Variants in ANKFN1 observed in about 807,000 individuals in gnomAD.
ANKFN1 encodes ankyrin repeat and fibronectin type III domain containing 1, also known as ankyrin repeat and fibronectin type-III domain-containing protein 1.
Under a neutral mutation model 108.7 loss-of-function variants are expected in ANKFN1, and 74 were observed. The ratio of observed to expected loss-of-function variants is 0.68; its 90% confidence interval spans 0.56 to 0.83. The LOEUF is 0.83. Ranked by LOEUF, ANKFN1 falls within the 40% of genes least tolerant of loss-of-function variation. The probability of loss-of-function intolerance (pLI) is 0.00; values close to 1 mark genes in which losing one functional copy is unlikely to be tolerated. For synonymous variants in ANKFN1, 547 were observed against 516.2 expected, an observed-to-expected ratio of 1.06 and a Z score of -0.81; for missense variants, 1,505 against 1,382.3, an observed-to-expected ratio of 1.09 and a Z score of -1.41.
chr17:56,294,756 T>C (rs1293058212), intron 3 of ANKFN1, among the ~76,000 whole-genome samples: 2 of 152,218 alleles, frequency 1.3e-5, no homozygotes, highest in Non-Finnish European at 2.9e-5. Flanking sequence ...ACCCATTAAT[T>C]TAGATGAAAC....
intron 4 of ANKFN1, among the ~76,000 whole-genome samples, chr17:56,136,562 C>CA (rs1327818070): frequency 5.3e-5 from 8 of 152,186 alleles, no homozygotes; most frequent in Middle Eastern, 3.4e-3. Flanking sequence ...AAAAAAAGAC[C>CA]AAATATATTG....
intron 3 of ANKFN1, among the ~76,000 whole-genome samples, chr17:56,288,310 C>T (rs1285820641): frequency 1.3e-5 from 2 of 151,876 alleles, no homozygotes; most frequent in African/African-American, 4.8e-5. Context: ...TTATCTATTC[C>T]TCCCTTTATA....
chr17:56,277,422 G>A (rs946172502), intron 3 of ANKFN1, among the ~76,000 whole-genome samples: 2 of 151,756 alleles, frequency 1.3e-5, no homozygotes, highest in Non-Finnish European at 2.9e-5. Flanking sequence ...TCCTGTAGTA[G>A]CATAATAATA....
intron 4 of ANKFN1, among the ~76,000 whole-genome samples, chr17:56,050,022 T>C (rs1377009333): frequency 6.6e-6 from 1 of 152,034 alleles, no homozygotes; most frequent in African/African-American, 2.4e-5. Flanking sequence ...TGTAAAAGTG[T>C]TCCTATTTCT....
intron 3 of ANKFN1, among the ~76,000 whole-genome samples, chr17:56,282,733 T>C (rs78507204): frequency 6.6e-6 from 1 of 152,158 alleles, no homozygotes; most frequent in Non-Finnish European, 1.5e-5. Context: ...CTTTTTTTTT[T>C]GAAGGCCTGG....
At chr17:56,351,651 G>A (rs773764502) in intron 5 of ANKFN1, among the ~76,000 whole-genome samples, 78 of 152,236 alleles carry the variant, frequency 5.1e-4, no homozygotes, top group Middle Eastern at 6.8e-3. Flanking sequence ...AGTCCATCAG[G>A]AGGAATGAAT....
intron 4 of ANKFN1, among the ~76,000 whole-genome samples, chr17:56,071,763 G>T (rs1905123587): frequency 6.6e-6 from 1 of 152,170 alleles, no homozygotes; most frequent in Non-Finnish European, 1.5e-5. Context: ...CTTTGGGAAG[G>T]CAACCAAGAC....
At chr17:56,438,120 TCTCATG>T (rs2048985011) in intron 8 of ANKFN1, among the ~76,000 whole-genome samples, 2 of 152,196 alleles carry the variant, frequency 1.3e-5, no homozygotes, top group South Asian at 2.1e-4. Flanking sequence ...TTCTCAAGTT[TCTCATG>T]CTCAAGAGAA....
At position 56,153,494 on chromosome 17, in the gene ANKFN1, C is replaced by T. The variant is rs1199492591; in HGVS notation, c.-107C>T. 1 of 1,614,030 alleles carries T rather than the reference C, an allele frequency of 6.2e-7. No individual in the cohort carries two copies. Among genetic ancestry groups the T allele is most frequent in the Non-Finnish European group, 8.5e-7 (1 of 1,179,896 alleles). On this transcript the variant is annotated 5_prime_UTR_variant, in exon 1 of 21. Coordinates refer to ENST00000682825, the MANE Select transcript of ANKFN1 (RefSeq NM_001370326.1). ...CAGGTCCTCTTTCAACTCAAGAGCT[C>T]AGTCCTGTGTCTCTCATGGAGGCGT...
chr17:56,100,017 C>T (rs762303147), intron 4 of ANKFN1, among the ~76,000 whole-genome samples: 37 of 152,166 alleles, frequency 2.4e-4, no homozygotes, highest in Non-Finnish European at 2.6e-4. Flanking sequence ...AGACGAAACT[C>T]TAACAAAGAA....
chr17:56,320,274 T>A (rs1002377147), intron 3 of ANKFN1, among the ~76,000 whole-genome samples: 1 of 152,210 alleles, frequency 6.6e-6, no homozygotes, highest in Non-Finnish European at 1.5e-5. Flanking sequence ...TCCACATGGT[T>A]CAATTATCCT....
intron 10 of ANKFN1, among the ~76,000 whole-genome samples, chr17:56,444,411 T>C (rs1441720164): frequency 6.6e-6 from 1 of 152,210 alleles, no homozygotes; most frequent in Non-Finnish European, 1.5e-5. Context: ...TTTAGTTTTT[T>C]TAACTATGCC....
intron 1 of ANKFN1, among the ~76,000 whole-genome samples, chr17:56,163,855 A>G (rs1909905420): frequency 6.6e-6 from 1 of 152,210 alleles, no homozygotes; most frequent in African/African-American, 2.4e-5. Context: ...GCCAACTCCC[A>G]TCTATGAGGG....
At chr17:56,141,308 G>C (rs532056715) in intron 4 of ANKFN1, among the ~76,000 whole-genome samples, 10 of 152,170 alleles carry the variant, frequency 6.6e-5, no homozygotes, top group Non-Finnish European at 1.3e-4. Flanking sequence ...GATTTTCCAA[G>C]CCTCTAATAT....
intron 4 of ANKFN1, among the ~76,000 whole-genome samples, chr17:56,343,111 G>A (rs1270153974): frequency 6.6e-6 from 1 of 151,922 alleles, no homozygotes; most frequent in Non-Finnish European, 1.5e-5. Context: ...CCAGATAGTA[G>A]GATTGCAAAT....
chr17:56,095,619 A>T (rs1241443634), intron 4 of ANKFN1, among the ~76,000 whole-genome samples: 2 of 152,076 alleles, frequency 1.3e-5, no homozygotes, highest in African/African-American at 4.8e-5. Flanking sequence ...TTTAATTTGG[A>T]TGAGGTGTCC....
At chr17:56,308,343 A>C (rs887885485) in intron 3 of ANKFN1, among the ~76,000 whole-genome samples, 8 of 152,106 alleles carry the variant, frequency 5.3e-5, no homozygotes, top group African/African-American at 1.9e-4. Flanking sequence ...TTTAACTTGC[A>C]TCCATGTAGT....
At chr17:56,486,325 C>A (rs1317912467) in intron 18 of ANKFN1, among the ~76,000 whole-genome samples, 4 of 152,134 alleles carry the variant, frequency 2.6e-5, no homozygotes, top group Non-Finnish European at 5.9e-5. Context: ...TTCTATTAGT[C>A]TTTTTTTAGG....
chr17:56,500,902 G>A (rs2051348533), intron 20 of ANKFN1, among the ~76,000 whole-genome samples: 2 of 152,150 alleles, frequency 1.3e-5, no homozygotes, highest in South Asian at 4.1e-4. Flanking sequence ...GGGACAAAGA[G>A]TGAAAACATA....
Sources: gnomAD v4.1 joint callset for allele counts (sites outside exome capture counted in the v4.1 genomes callset) on GRCh38, gnomAD v4.1.1 for gene constraint, MANE v1.5 for transcripts, NCBI Gene and HGNC (gene_info 2026-07-23, HGNC 2026-07-21) for gene names.